Variants in SYTL3 observed in about 807,000 individuals in gnomAD.
SYTL3 encodes synaptotagmin-like protein 3.
A neutral mutation model predicts 82.1 loss-of-function variants in SYTL3; 88 were observed. The ratio of observed to expected loss-of-function variants is 1.07; its 90% CI spans 0.90 to 1.28. SYTL3 has a LOEUF of 1.28. SYTL3 is among the 50% of genes most tolerant of loss of function. The pLI is 0.00. For missense variants in SYTL3, 831 were observed against 757.6 expected (o/e 1.10, Z -1.14); for synonymous variants, 311 against 289.4 (o/e 1.07, Z -0.76).
chr6:158,736,505 T>C lies in SYTL3; in HGVS notation c.856-8975T>C, dbSNP rs76275124. ...GATATATTCATGTATAATAAAACCA[T>C]TGGCTGGATGCAGTAGCTTATGCCT... On this transcript the variant is annotated intron_variant, in intron 11 of 17. Transcript: ENST00000611299. 3.0e-3 allele frequency among the ~76,000 whole-genome samples: 445 copies of C among 149,868 alleles called. 1 individual carries two copies. Among genetic ancestry groups the C allele is most frequent in the African/African-American group, 1.0e-2 (396 of 39,608 alleles).
intron 8 of SYTL3, among the ~76,000 whole-genome samples, chr6:158,710,374 G>C (rs1782621182): frequency 6.6e-6 from 1 of 152,148 alleles, no homozygotes; most frequent in African/African-American, 2.4e-5. Flanking sequence ...CACCCAAACA[G>C]CTGAGATCTC....
intron 14 of SYTL3, among the ~76,000 whole-genome samples, chr6:158,758,966 CCT>C (rs1031834586): frequency 6.6e-6 from 1 of 152,198 alleles, no homozygotes; most frequent in Non-Finnish European, 1.5e-5. Flanking sequence ...TCCGTGCCTT[CCT>C]CTCACCCCCG....
chr6:158,734,801 G>A (rs911123264), intron 11 of SYTL3, among the ~76,000 whole-genome samples: 51 of 152,212 alleles, frequency 3.4e-4, no homozygotes, highest in African/African-American at 1.2e-3. Context: ...ATAAATGTTT[G>A]TTGAGTGATT....
chr6:158,703,808 T>C (rs923471306), intron 6 of SYTL3, among the ~76,000 whole-genome samples: 12 of 113,252 alleles, frequency 1.1e-4, no homozygotes, highest in Non-Finnish European at 6.9e-5. Context: ...TAAGAGTGGG[T>C]TTTATATTAT....
chr6:158,743,598 C>CTTTTTT lies in SYTL3; in HGVS notation c.856-1860_856-1855dup, dbSNP rs397887964. ...ACTCATGCTGGTGCACCAGTCCAAG[C>CTTTTTT]TTTTTTTTTTTTTTTTTTTTTTTTT... On this transcript the variant is annotated intron_variant, in intron 11 of 17. Transcript: ENST00000611299. Among the ~76,000 whole-genome samples the CTTTTTT allele has an allele frequency of 4.3e-4, 27 of 63,078 alleles. 4 individuals are homozygous for CTTTTTT. The highest frequency in any genetic ancestry group is 5.9e-4 in the Non-Finnish European group (20 of 33,740). 41.4% of individuals were successfully genotyped at this position (63,078 alleles called of 152,430 possible). A position where few individuals can be genotyped will look rare whatever the true frequency, so the allele number is the denominator to read the frequency against.
At chr6:158,704,507 C>T (rs569910471) in intron 6 of SYTL3, among the ~76,000 whole-genome samples, 1 of 152,342 alleles carries the variant, frequency 6.6e-6, no homozygotes, top group Non-Finnish European at 1.5e-5. Flanking sequence ...CAGAACTGCC[C>T]GTGGGGGATA....
At position 158,725,485 on chromosome 6, in the gene SYTL3, C is replaced by A; in HGVS notation, c.721-18C>A. On this transcript the variant is annotated intron_variant, in intron 10 of 17. Coordinates refer to ENST00000611299, the MANE Select transcript of SYTL3 (RefSeq NM_001242394.2). ...GGGATGGAGACTATAATATTAATTT[C>A]TGTTTTTCCTTCTCCAGAAGGTCAG... The A allele has an allele frequency of 6.2e-7, 1 of 1,612,248 alleles. No individual in the cohort carries two copies. Among genetic ancestry groups the A allele is most frequent in the Non-Finnish European group, 8.5e-7 (1 of 1,179,168 alleles).
At chr6:158,739,121 G>A (rs1020147667) in intron 11 of SYTL3, among the ~76,000 whole-genome samples, 2 of 152,200 alleles carry the variant, frequency 1.3e-5, no homozygotes, top group African/African-American at 4.8e-5. Flanking sequence ...AGCACAGTCA[G>A]ATGTTTTTAA....
At chr6:158,703,233 G>A (rs915778775) in intron 6 of SYTL3, among the ~76,000 whole-genome samples, 8 of 149,418 alleles carry the variant, frequency 5.4e-5, no homozygotes, top group African/African-American at 7.4e-5. Context: ...AATGCTCCGC[G>A]CCGTGCCTGG....
chr6:158,704,797 G>T (rs1486287097), intron 6 of SYTL3, among the ~76,000 whole-genome samples: 4 of 152,272 alleles, frequency 2.6e-5, no homozygotes, highest in Non-Finnish European at 2.9e-5. Flanking sequence ...GGATACTGTT[G>T]CCACAACCAG....
intron 11 of SYTL3, among the ~76,000 whole-genome samples, chr6:158,736,961 G>C (rs914007650): frequency 6.6e-6 from 1 of 151,092 alleles, no homozygotes; most frequent in Non-Finnish European, 1.5e-5. Context: ...CTTAAGCTGA[G>C]AGTGGGCATG....
At chr6:158,692,257 C>CAAAAAAAAAA (rs571381475) in intron 6 of SYTL3, among the ~76,000 whole-genome samples, 5 of 32,192 alleles carry the variant, frequency 1.6e-4, no homozygotes, top group East Asian at 2.7e-3. Flanking sequence ...GACTCCGTCT[C>CAAAAAAAAAA]AAAAAAAAAA....
intron 11 of SYTL3, among the ~76,000 whole-genome samples, chr6:158,743,477 T>C (rs1787191179): frequency 6.9e-6 from 1 of 144,210 alleles, no homozygotes; most frequent in South Asian, 2.2e-4. Flanking sequence ...CATTAGCTTC[T>C]CCGTTCATCT....
chr6:158,645,337 C>T (rs543339537), upstream of SYTL3, among the ~76,000 whole-genome samples: 1 of 152,212 alleles, frequency 6.6e-6, no homozygotes, highest in African/African-American at 2.4e-5. Flanking sequence ...CCATAGTGAA[C>T]TAGACAGACT....
At position 158,665,559 on chromosome 6, in the gene SYTL3, G is replaced by A. The variant is rs760246645; in HGVS notation, c.275G>A (p.Arg92Gln). 14 of 1,581,598 alleles carry A rather than the reference G, an allele frequency of 8.9e-6. No individual in the cohort carries two copies. The African/African-American group carries it at 1.1e-4, about 12-fold the overall frequency. Residue 92 changes from arginine (R) to glutamine (Q), a missense_variant, in exon 5 of 18, where the codon CGA becomes CAA. Coordinates refer to ENST00000611299, the MANE Select transcript of SYTL3 (RefSeq NM_001242394.2). ...AGCCACCGCGTGTGTGCCCAGTGCC[G>A]AGTGTTCCTGAGGGGGACCCATGCC... ...GCSHRVCAQCRVFLRGTHAWK... is the reference protein window; with the variant it reads ...GCSHRVCAQCQVFLRGTHAWK...
chr6:158,723,471 G>A (rs1210693258), intron 10 of SYTL3, among the ~76,000 whole-genome samples: 9 of 152,064 alleles, frequency 5.9e-5, no homozygotes, highest in Non-Finnish European at 1.5e-5. Context: ...GCAGAGTCAC[G>A]TGTTTTCCAG....
chr6:158,699,193 C>T (rs889489447), intron 6 of SYTL3, among the ~76,000 whole-genome samples: 28 of 152,168 alleles, frequency 1.8e-4, no homozygotes, highest in Admixed American at 1.3e-3. Flanking sequence ...CACGACTTGG[C>T]GGGCTGATGG....
At chr6:158,753,661 C>T (rs1260832178) in intron 13 of SYTL3, among the ~76,000 whole-genome samples, 1 of 145,900 alleles carries the variant, frequency 6.9e-6, no homozygotes, top group Admixed American at 7.0e-5. Flanking sequence ...ACCCGGGAGG[C>T]AGAGCTTGCA....
At chr6:158,675,264 G>T (rs942831830) in intron 5 of SYTL3, among the ~76,000 whole-genome samples, 2 of 152,140 alleles carry the variant, frequency 1.3e-5, no homozygotes, top group African/African-American at 4.8e-5. Flanking sequence ...GTGACAGAGA[G>T]GGGGGCACCT....
Sources: allele counts gnomAD v4.1 joint callset (sites outside exome capture counted in the v4.1 genomes callset), GRCh38; gene constraint gnomAD v4.1.1; transcripts MANE v1.5; gene names NCBI Gene and HGNC (gene_info 2026-07-23, HGNC 2026-07-21).